The following TJP3 variants were observed in gnomAD, a reference collection of about 807,000 sequenced individuals.
TJP3 encodes tight junction protein 3, also known as tight junction protein ZO-3.
TJP3 carries 85 observed loss-of-function variants against 104.2 expected under a neutral mutation model. That is an observed-to-expected ratio of 0.82 (90% CI 0.68 to 0.98). TJP3 has a LOEUF of 0.98. Ranked by LOEUF, TJP3 falls within the 50% of genes least tolerant of loss-of-function variation. The pLI is 0.00. For synonymous variants in TJP3, 550 were observed against 550.6 expected, an observed-to-expected ratio of 1.00 and a Z score of 0.02; for missense variants, 1,367 against 1,322.8, an observed-to-expected ratio of 1.03 and a Z score of -0.52.
intron 1 of TJP3, among the ~76,000 whole-genome samples, chr19:3,724,124 G>A (rs2036572385): frequency 6.6e-6 from 1 of 152,110 alleles, no homozygotes; most frequent in Non-Finnish European, 1.5e-5. Flanking sequence ...CACAAGCTGG[G>A]ACAAGCCTGG....
chr19:3,747,697 C>T, intron 18 of TJP3, 97 bp from the exon 19 acceptor site: 1 of 1,408,596 alleles, frequency 7.1e-7, no homozygotes, highest in Non-Finnish European at 9.3e-7. Flanking sequence ...GGCTCCTCGC[C>T]TTGATTTGGG....
intron 14 of TJP3, among the ~76,000 whole-genome samples, chr19:3,741,674 A>G (rs1011103764): frequency 2.0e-5 from 3 of 151,160 alleles, no homozygotes; most frequent in Non-Finnish European, 4.4e-5. Flanking sequence ...CCTTCTATCA[A>G]AAATACTTTT....
In TJP3 at chr19:3,742,515, G is replaced by A. The variant is rs1198489509; in HGVS notation, c.1844-1424G>A. Among the ~76,000 whole-genome samples, 3 of 150,094 alleles carry A rather than the reference G, an allele frequency of 2.0e-5. No homozygotes were observed. In the Admixed American group the frequency reaches 2.0e-4, roughly 10 times the overall value. On this transcript the variant is annotated intron_variant, in intron 14 of 20. Transcript: ENST00000541714. The stretch of plus-strand genomic sequence containing the variant: ...AGGGGGTTAAAAACCCAGGTGCAGC[G>A]ATTTTCCAAATAAAACCACAAAAGG...
At chr19:3,714,295 T>TCAGC (rs1306914964) in intron 1 of TJP3, among the ~76,000 whole-genome samples, 1 of 151,878 alleles carries the variant, frequency 6.6e-6, no homozygotes, top group East Asian at 2.0e-4. Flanking sequence ...TGATCCTGCC[T>TCAGC]CAGCCCCCTG....
rs774949291 is a variant in TJP3 at position 3,730,018 on chromosome 19, C to T, written c.159-10C>T. The T allele has an allele frequency of 6.2e-7, 1 of 1,612,612 alleles. No homozygotes were observed. The highest frequency in any genetic ancestry group is 8.5e-7 in the Non-Finnish European group (1 of 1,178,738). On this transcript the variant is annotated splice_polypyrimidine_tract_variant and intron_variant, in intron 3 of 20. Coordinates refer to ENST00000541714, the MANE Select transcript of TJP3 (RefSeq NM_001267560.2). The surrounding 1 kb of genome is among the most constrained non-coding windows in gnomAD (Gnocchi z 7.3). ...AAGCCTCCTCCGTAAGACCCGCCCT[C>T]CTCTCTCAGGACAGGCGACCACATC...
chr19:3,746,954 T>C lies in TJP3; in HGVS notation c.2322+78T>C, dbSNP rs2036904833. 1.4e-6 allele frequency: 2 copies of C among 1,388,950 alleles called. No individual in the cohort carries two copies. Among genetic ancestry groups the C allele is most frequent in the Non-Finnish European group, 2.0e-6 (2 of 1,005,748 alleles). The allele number at this position is 1,388,950 out of a possible 1,614,324, so 86.0% of individuals were successfully genotyped here. On this transcript the variant is annotated intron_variant, in intron 18 of 20. Transcript: ENST00000541714. This position sits in a 1 kb window ranked among gnomAD's most constrained non-coding sequence, Gnocchi z 4.1. ...AGGCCCAGCTGGGGTTTGGGGCCTC[T>C]GTCGGGAGTTAGGGCTTGGTCAGGG...
Position 3,730,522 on chromosome 19 carries a change from C to T in TJP3, c.429C>T (p.Asp143=), listed in dbSNP as rs368877947. 279 of 1,592,562 alleles carry T rather than the reference C, an allele frequency of 1.8e-4. 2 individuals carry two copies. In the African/African-American group the frequency reaches 3.3e-3, roughly 19 times the overall value. ...DSSSGSGRSW[D]ERSRRPRPGR... is the part of the protein sequence containing the mutation. Reference sequence around the variant, plus strand: ...CCAGTGGCTCCGGCCGCTCCTGGGACGAGCGCTCCCGCCGGCCGAGGCCTG... The same window carrying T: ...CCAGTGGCTCCGGCCGCTCCTGGGATGAGCGCTCCCGCCGGCCGAGGCCTG... Residue 143 remains aspartate (D), a synonymous_variant, in exon 5 of 21, where the codon GAC becomes GAT. Transcript: ENST00000541714. The surrounding 1 kb of genome is among the most constrained non-coding windows in gnomAD (Gnocchi z 7.3).
rs993594214 is a variant in TJP3, at chr19:3,738,748, G to C, written c.1393+85G>C. On this transcript the variant is annotated intron_variant, in intron 12 of 20. Transcript: ENST00000541714. The stretch of plus-strand genomic sequence containing the variant: ...GCCTGGTGGTGAGTGCAGGGATGTG[G>C]TTGAATCTGCATCTCTGCACCCTCC... The C allele has an allele frequency of 1.7e-5, 24 of 1,380,452 alleles. No homozygotes were observed. In the African/African-American group the frequency reaches 2.7e-4, roughly 16 times the overall value. 85.5% of individuals were successfully genotyped at this position (1,380,452 alleles called of 1,614,324 possible).
chr19:3,709,311 G>C (rs891751343), intron 1 of TJP3, among the ~76,000 whole-genome samples: 1 of 152,074 alleles, frequency 6.6e-6, no homozygotes, highest in Admixed American at 6.6e-5. Context: ...GGCCAGGCTG[G>C]TCTCGAACTC....
chr19:3,739,000 C>T lies in TJP3; in HGVS notation c.1497C>T (p.Gly499=), dbSNP rs149056989. 1.5e-5 allele frequency: 24 copies of T among 1,613,058 alleles called. No homozygotes were observed. The highest frequency in any genetic ancestry group is 8.3e-5 in the Admixed American group (5 of 59,984). ...CGTCTGGCCTGGGCTTCACCCGTGG[C>T]GACGTCTTCCACGTGCTGGACACGC... ...SPPSGLGFTR[G]DVFHVLDTLH... is the part of the protein sequence containing the mutation. The change falls in exon 13 of 21, where the codon GGC becomes GGT. Residue 499 remains glycine (G), a synonymous_variant. Transcript: ENST00000541714.
At chr19:3,718,257 CTGTGTGTGT>C (rs2036508206) in intron 1 of TJP3, among the ~76,000 whole-genome samples, 1 of 27,472 alleles carries the variant, frequency 3.6e-5, no homozygotes, top group East Asian at 1.1e-3. Context: ...GTGTGTGTGT[CTGTGTGTGT>C]GTAGAGATGG....
At chr19:3,718,966 C>G (rs1218066592) in intron 1 of TJP3, among the ~76,000 whole-genome samples, 1 of 151,452 alleles carries the variant, frequency 6.6e-6, no homozygotes, top group Non-Finnish European at 1.5e-5. Context: ...GGTGGATCAC[C>G]TGAGGTCAGG....
chr19:3,725,860 G>A (rs962694701), intron 1 of TJP3, among the ~76,000 whole-genome samples: 8 of 152,304 alleles, frequency 5.3e-5, no homozygotes, highest in African/African-American at 1.9e-4. Flanking sequence ...GGGAGACTGA[G>A]GCTGGGAGAG....
At chr19:3,734,256 T>C (rs1437308851) in intron 7 of TJP3, 71 bp from the exon 8 acceptor site, 16 of 1,464,808 alleles carry the variant, frequency 1.1e-5, no homozygotes, top group Non-Finnish European at 1.4e-5. Context: ...GGTGTTGATA[T>C]ACCCCTCTGT....
chr19:3,746,723 C>G lies in TJP3; in HGVS notation c.2221+28C>G, dbSNP rs373002319. ...TGGGGGGTGGGTGTCCCAGGGTAGG[C>G]GGGTGGGCCCCAGCCTGAGTCTCCT... On this transcript the variant is annotated intron_variant, in intron 17 of 20. Coordinates refer to ENST00000541714, the MANE Select transcript of TJP3 (RefSeq NM_001267560.2). This position sits in a 1 kb window ranked among gnomAD's most constrained non-coding sequence, Gnocchi z 4.1. 6.2e-7 allele frequency: 1 copy of G among 1,601,264 alleles called. No individual in the cohort carries two copies. The highest frequency in any genetic ancestry group is 1.7e-5 in the Admixed American group (1 of 57,466).
At chr19:3,719,825 G>A (rs1051143575) in intron 1 of TJP3, among the ~76,000 whole-genome samples, 5 of 151,948 alleles carry the variant, frequency 3.3e-5, no homozygotes, top group Non-Finnish European at 5.9e-5. Flanking sequence ...TTCTTGCTTC[G>A]GTCGGAAGTC....
Position 3,736,524 on chromosome 19 carries a change from C to T in TJP3, c.1284+203C>T, listed in dbSNP as rs576129798. On this transcript the variant is annotated intron_variant, in intron 11 of 20. Coordinates refer to ENST00000541714, the MANE Select transcript of TJP3 (RefSeq NM_001267560.2). ...CTTATCTTCCAGGTCATGACCTCAT[C>T]GTCCAGTTACAACCTCCTTTTCTGT... 3.4e-4 allele frequency among the ~76,000 whole-genome samples: 52 copies of T among 152,300 alleles called. No homozygotes were observed. In the South Asian group the frequency reaches 7.9e-3, roughly 23 times the overall value.
At chr19:3,741,008 T>C (rs142966594) in intron 14 of TJP3, among the ~76,000 whole-genome samples, 1 of 150,424 alleles carries the variant, frequency 6.6e-6, no homozygotes, top group Non-Finnish European at 1.5e-5. Context: ...ATTTTTGTTT[T>C]TATTTTTATT....
intron 1 of TJP3, among the ~76,000 whole-genome samples, chr19:3,713,891 T>G (rs1244325699): frequency 6.6e-6 from 1 of 150,640 alleles, no homozygotes; most frequent in Non-Finnish European, 1.5e-5. Flanking sequence ...AATTTTTTTT[T>G]TTTTTTTGTA....
Sources: allele counts gnomAD v4.1 joint callset (sites outside exome capture counted in the v4.1 genomes callset), GRCh38; gene constraint gnomAD v4.1.1; non-coding constraint Gnocchi (gnomAD v3.1); transcripts MANE v1.5; gene names NCBI Gene and HGNC (gene_info 2026-07-23, HGNC 2026-07-21).